Variants in ADCY2 observed in about 807,000 individuals in gnomAD.
ADCY2 encodes the protein adenylate cyclase 2, also known as adenylate cyclase type 2.
A neutral mutation model predicts 125.2 loss-of-function variants in ADCY2; 31 were observed. The ratio of observed to expected loss-of-function variants is 0.25; its 90% confidence interval spans 0.19 to 0.33. The LOEUF (loss-of-function observed/expected upper bound fraction) is 0.33, where lower values mean the gene tolerates loss of function less well. Among genes scored for constraint, ADCY2 ranks in the 10% least tolerant of loss-of-function variants. ADCY2 has a pLI of 1.00. For synonymous variants in ADCY2, 512 were observed against 548.4 expected (o/e 0.93, Z 0.93); for missense variants, 904 against 1,418.2 (o/e 0.64, Z 5.82).
At chr5:7,406,419 C>CAT (rs1234701616) in intron 1 of ADCY2, among the ~76,000 whole-genome samples, 3 of 152,182 alleles carry the variant, frequency 2.0e-5, no homozygotes, top group Admixed American at 6.5e-5. Context: ...CCACAGTAAA[C>CAT]CCTTCTGCTC....
Position 7,400,135 on chromosome 5 carries a change from A to G in ADCY2, c.210+3629A>G, listed in dbSNP as rs191406802. Among the ~76,000 whole-genome samples, 373 of 152,328 alleles carry G rather than the reference A, an allele frequency of 2.4e-3. 1 individual carries two copies. Among genetic ancestry groups the G allele is most frequent in the Non-Finnish European group, 3.5e-3 (238 of 68,024 alleles). On this transcript the variant is annotated intron_variant, in intron 1 of 24. Coordinates refer to ENST00000338316, the MANE Select transcript of ADCY2 (RefSeq NM_020546.3). ...TTTTGTCAGGATACCAGCTGGCTCC[A>G]GCCAGATTTGTTTTGGCTAAAACTT...
chr5:7,573,917 C>G (rs1232764721), intron 3 of ADCY2, among the ~76,000 whole-genome samples: 8 of 98,424 alleles, frequency 8.1e-5, no homozygotes, highest in Non-Finnish European at 1.4e-4. Context: ...CCCCTCCCCC[C>G]ACCCCACAAC....
chr5:7,769,744 T>G (rs1420611041), intron 17 of ADCY2, among the ~76,000 whole-genome samples: 2 of 152,164 alleles, frequency 1.3e-5, no homozygotes, highest in East Asian at 1.9e-4. Flanking sequence ...TAGATATTAT[T>G]GGGATTCTCG....
At chr5:7,594,375 A>G (rs892386875) in intron 3 of ADCY2, among the ~76,000 whole-genome samples, 2 of 152,202 alleles carry the variant, frequency 1.3e-5, no homozygotes, top group Admixed American at 6.5e-5. Flanking sequence ...TAGGACCCCA[A>G]GGTTTGGGGG....
chr5:7,543,271 G>A (rs1489752924), intron 3 of ADCY2, among the ~76,000 whole-genome samples: 3 of 151,854 alleles, frequency 2.0e-5, no homozygotes, highest in Non-Finnish European at 2.9e-5. Flanking sequence ...AAATAAATAT[G>A]TTCACCATAA....
chr5:7,747,728 A>T (rs1365835060), intron 15 of ADCY2, among the ~76,000 whole-genome samples: 2 of 152,130 alleles, frequency 1.3e-5, no homozygotes, highest in African/African-American at 4.8e-5. Context: ...AACTCCTCTC[A>T]TGCTGGCTGG....
At chr5:7,687,467 G>T (rs532962078) in intron 4 of ADCY2, among the ~76,000 whole-genome samples, 1 of 152,302 alleles carries the variant, frequency 6.6e-6, no homozygotes, top group East Asian at 1.9e-4. Flanking sequence ...CAGTAATTTA[G>T]TTGGGAAGTG....
chr5:7,793,621 C>A (rs1207194987), intron 20 of ADCY2: 1 of 151,548 alleles, frequency 6.6e-6, no homozygotes. Flanking sequence ...ACTGCAAGGG[C>A]AGCTCGGAAA....
intron 3 of ADCY2, among the ~76,000 whole-genome samples, chr5:7,589,468 A>G (rs1736752489): frequency 1.8e-5 from 1 of 56,230 alleles, no homozygotes; most frequent in South Asian, 9.9e-4. Flanking sequence ...AAAAGAAAGA[A>G]AGAAAGAAAG....
chr5:7,596,646 G>T (rs1737014880), intron 3 of ADCY2, among the ~76,000 whole-genome samples: 1 of 152,152 alleles, frequency 6.6e-6, no homozygotes, highest in African/African-American at 2.4e-5. Context: ...TTTAAGGTGG[G>T]AGTTAAACCC....
chr5:7,760,683 T>C (rs1560958705), intron 16 of ADCY2, among the ~76,000 whole-genome samples: 1 of 152,220 alleles, frequency 6.6e-6, no homozygotes, highest in Non-Finnish European at 1.5e-5. Flanking sequence ...GATATACATA[T>C]AAATTGTGAA....
At chr5:7,451,960 G>T (rs1156708772) in intron 2 of ADCY2, among the ~76,000 whole-genome samples, 1 of 152,006 alleles carries the variant, frequency 6.6e-6, no homozygotes, top group Non-Finnish European at 1.5e-5. Context: ...TGCCCAGTCT[G>T]GAGTGCAATG....
intron 22 of ADCY2, among the ~76,000 whole-genome samples, chr5:7,806,624 A>T (rs1201265599): frequency 6.6e-6 from 1 of 152,172 alleles, no homozygotes; most frequent in East Asian, 1.9e-4. Context: ...AGAGACAGAG[A>T]CAGAGAGAGA....
intron 22 of ADCY2, 138 bp downstream of exon 22, chr5:7,804,830 A>G: frequency 1.6e-6 from 1 of 640,214 alleles, no homozygotes; most frequent in South Asian, 1.9e-5. Context: ...AGGTCCTATG[A>G]GAGAAGATGA....
intron 3 of ADCY2, among the ~76,000 whole-genome samples, chr5:7,543,174 A>T (rs1735046611): frequency 6.6e-6 from 1 of 152,168 alleles, no homozygotes; most frequent in Admixed American, 6.5e-5. Context: ...CACATACAAC[A>T]CGTATGTGGA....
intron 2 of ADCY2, among the ~76,000 whole-genome samples, chr5:7,445,321 C>T (rs1395069672): frequency 1.3e-5 from 2 of 152,198 alleles, no homozygotes; most frequent in African/African-American, 4.8e-5. Context: ...GTGCAGTTTA[C>T]TGGAAGGTCA....
At position 7,564,218 on chromosome 5, in the gene ADCY2, A is replaced by G. The variant is rs537642766; in HGVS notation, c.570+43319A>G. ...GTTGGTTATCTGTTGGTCTAGTGCTATTTCTTCCTATTCTGTGAGCCACCA... is the reference window on the plus strand; with the variant it reads ...GTTGGTTATCTGTTGGTCTAGTGCTGTTTCTTCCTATTCTGTGAGCCACCA... On this transcript the variant is annotated intron_variant, in intron 3 of 24. Transcript: ENST00000338316. Among the ~76,000 whole-genome samples, 8 of 152,270 alleles carry G rather than the reference A, an allele frequency of 5.3e-5. No individual in the cohort carries two copies. The East Asian group carries it at 1.4e-3, about 26-fold the overall frequency.
chr5:7,500,737 G>A (rs776334673), intron 2 of ADCY2, among the ~76,000 whole-genome samples: 8 of 152,184 alleles, frequency 5.3e-5, no homozygotes, highest in Non-Finnish European at 1.0e-4. Context: ...TAAATGGAAT[G>A]CAGTTATTTC....
rs117186203 is a variant in ADCY2 at position 7,452,568 on chromosome 5, A to G, written c.408+37798A>G. On this transcript the variant is annotated intron_variant, in intron 2 of 24. Transcript: ENST00000338316. ...GAAATGTGCTGTGATACACATATGC[A>G]TGCAGGTGTCTTTTTGATATAACTT... Among the ~76,000 whole-genome samples, 819 of 152,294 alleles carry G rather than the reference A, an allele frequency of 5.4e-3. 55 individuals are homozygous for G. The East Asian group carries it at 0.14, about 26-fold the overall frequency.
Sources: gnomAD v4.1 joint callset for allele counts (sites outside exome capture counted in the v4.1 genomes callset) on GRCh38, gnomAD v4.1.1 for gene constraint, MANE v1.5 for transcripts, NCBI Gene and HGNC (gene_info 2026-07-23, HGNC 2026-07-21) for gene names.